Variants in MORC1 observed in about 807,000 individuals in gnomAD.
MORC1 encodes the protein MORC family CW-type zinc finger protein 1.
MORC1 carries 59 observed loss-of-function variants against 134.9 expected under a neutral mutation model. The observed-to-expected ratio is 0.44, with a 90% CI of 0.35 to 0.54. MORC1 has a LOEUF of 0.54. MORC1 is among the 20% of genes least tolerant of loss of function. The pLI is 0.00. For synonymous variants in MORC1, 395 were observed against 391.7 expected, an observed-to-expected ratio of 1.01 and a Z score of -0.10; for missense variants, 947 against 1,134.5, an observed-to-expected ratio of 0.83 and a Z score of 2.37.
At chr3:109,050,291 T>C (rs549562652) in intron 14 of MORC1, among the ~76,000 whole-genome samples, 6 of 152,334 alleles carry the variant, frequency 3.9e-5, no homozygotes, top group African/African-American at 1.4e-4. Flanking sequence ...CTAAGTGGCT[T>C]ATAAATAACA....
intron 17 of MORC1, among the ~76,000 whole-genome samples, chr3:109,012,881 A>G (rs1948728420): frequency 6.6e-6 from 1 of 152,192 alleles, no homozygotes; most frequent in Non-Finnish European, 1.5e-5. Flanking sequence ...CTGTAATCTG[A>G]GTGCCTTTTC....
chr3:109,055,866 GC>G (rs1482090474), intron 13 of MORC1, among the ~76,000 whole-genome samples: 1 of 152,180 alleles, frequency 6.6e-6, no homozygotes, highest in Non-Finnish European at 1.5e-5. Flanking sequence ...TAATGCAGGT[GC>G]TGTGATATGT....
intron 18 of MORC1, 36 bp from the exon 19 acceptor site, chr3:109,005,351 A>G (rs1576622951): frequency 5.9e-6 from 9 of 1,528,322 alleles, no homozygotes; most frequent in Non-Finnish European, 7.9e-6. Flanking sequence ...ATTTTTTGGT[A>G]GATAGCCTAT....
intron 14 of MORC1, among the ~76,000 whole-genome samples, chr3:109,048,831 C>T (rs186949541): frequency 1.3e-5 from 2 of 152,246 alleles, no homozygotes; most frequent in African/African-American, 2.4e-5. Flanking sequence ...CCCACCCAAA[C>T]GACTCCATTT....
chr3:109,072,934 AACACACAC>A (rs58749136), intron 8 of MORC1, among the ~76,000 whole-genome samples: 70 of 144,828 alleles, frequency 4.8e-4, no homozygotes, highest in African/African-American at 1.7e-3. Flanking sequence ...AATCTCCCTC[AACACACAC>A]ACACACACAC....
At chr3:108,995,844 T>A (rs1948187753) in intron 21 of MORC1, among the ~76,000 whole-genome samples, 1 of 152,146 alleles carries the variant, frequency 6.6e-6, no homozygotes, top group Non-Finnish European at 1.5e-5. Context: ...CTAAAAAACT[T>A]TGGAAACACA....
At chr3:109,100,015 G>A (rs143615198) in intron 5 of MORC1, among the ~76,000 whole-genome samples, 3,547 of 152,060 alleles carry the variant, frequency 0.023, 61 homozygotes, top group South Asian at 0.045. Flanking sequence ...AGGCCGAGGC[G>A]GGCTGATTAC....
intron 5 of MORC1, among the ~76,000 whole-genome samples, chr3:109,100,197 C>T (rs866533074): frequency 1.3e-4 from 19 of 151,864 alleles, no homozygotes; most frequent in African/African-American, 2.9e-4. Context: ...GAGCCAAGAT[C>T]GCACCACTGC....
rs1559888240 is a variant in MORC1 at position 109,007,109 on chromosome 3, CCATTAAGGCAAAT to C, written c.1705-31_1705-19del. 4 of 1,594,536 alleles carry C rather than the reference CCATTAAGGCAAAT, an allele frequency of 2.5e-6. No individual in the cohort carries two copies. In the Admixed American group the frequency reaches 7.0e-5, roughly 28 times the overall value. On this transcript the variant is annotated intron_variant, in intron 17 of 27. Transcript: ENST00000232603. Reference sequence around the variant, plus strand: ...AATTGAGGCTTTATGGGAAAGCAAACCATTAAGGCAAATGTAAGTAAAAATAAGCTTCAACTGG... The same window carrying C: ...AATTGAGGCTTTATGGGAAAGCAAACGTAAGTAAAAATAAGCTTCAACTGG...
intron 14 of MORC1, among the ~76,000 whole-genome samples, chr3:109,039,825 T>A (rs1015100086): frequency 6.6e-6 from 1 of 152,178 alleles, no homozygotes; most frequent in African/African-American, 2.4e-5. Context: ...CTCTCCCTCA[T>A]GGTTGCAAGC....
intron 8 of MORC1, among the ~76,000 whole-genome samples, chr3:109,087,727 T>G (rs1576728533): frequency 6.6e-6 from 1 of 152,026 alleles, no homozygotes; most frequent in Admixed American, 6.6e-5. Context: ...AAAAATTATC[T>G]TAAAATTCAT....
At chr3:109,056,250 C>CA (rs1349464824) in intron 13 of MORC1, among the ~76,000 whole-genome samples, 5 of 152,194 alleles carry the variant, frequency 3.3e-5, no homozygotes, top group African/African-American at 1.2e-4. Flanking sequence ...TTTTTTGAGA[C>CA]AGAGTCTCGC....
intron 27 of MORC1, among the ~76,000 whole-genome samples, chr3:108,961,650 G>A (rs1267477817): frequency 6.6e-6 from 1 of 152,184 alleles, no homozygotes; most frequent in Non-Finnish European, 1.5e-5. Flanking sequence ...TTGGGCAGGA[G>A]CCCTTTGAGT....
At chr3:109,100,176 G>C (rs1305525454) in intron 5 of MORC1, among the ~76,000 whole-genome samples, 1 of 152,064 alleles carries the variant, frequency 6.6e-6, no homozygotes, top group Non-Finnish European at 1.5e-5. Context: ...CCAGGAGGCG[G>C]AGGTTGCAGT....
At chr3:109,105,478 G>A (rs994135459) in intron 3 of MORC1, among the ~76,000 whole-genome samples, 6 of 151,884 alleles carry the variant, frequency 4.0e-5, no homozygotes, top group African/African-American at 7.3e-5. Context: ...AGCCCAAATC[G>A]CACCACTGCA....
Position 109,110,788 on chromosome 3 carries a change from A to C in MORC1, c.120-5T>G. ...AGTCTTTCAGCCCCTGCATCTCTGG[A>C]AACAATACAAAAATATTATTTCTTC... On this transcript the variant is annotated splice_region_variant and splice_polypyrimidine_tract_variant and intron_variant, in intron 2 of 27. Coordinates refer to ENST00000232603, the MANE Select transcript of MORC1 (RefSeq NM_014429.4). 1 of 1,583,852 alleles carries C rather than the reference A, an allele frequency of 6.3e-7. No homozygotes were observed. The highest frequency in any genetic ancestry group is 8.5e-7 in the Non-Finnish European group (1 of 1,170,516).
intron 14 of MORC1, among the ~76,000 whole-genome samples, chr3:109,040,245 AT>A (rs2107630262): frequency 6.6e-6 from 1 of 151,654 alleles, no homozygotes; most frequent in East Asian, 1.9e-4. Context: ...AGTATGGCAC[AT>A]TCCAAGCAAA....
chr3:108,978,233 T>A (rs1333013556), intron 24 of MORC1, among the ~76,000 whole-genome samples: 1 of 152,158 alleles, frequency 6.6e-6, no homozygotes, highest in Non-Finnish European at 1.5e-5. Flanking sequence ...CCTGCTTTTG[T>A]CCCATTTCCA....
chr3:109,049,585 AG>A (rs1389217361), intron 14 of MORC1, among the ~76,000 whole-genome samples: 1 of 152,352 alleles, frequency 6.6e-6, no homozygotes, highest in African/African-American at 2.4e-5. Context: ...AGGCCTAATA[AG>A]GCGATAAACT....
Sources: gnomAD v4.1 joint callset for allele counts (sites outside exome capture counted in the v4.1 genomes callset) on GRCh38, gnomAD v4.1.1 for gene constraint, MANE v1.5 for transcripts, NCBI Gene and HGNC (gene_info 2026-07-23, HGNC 2026-07-21) for gene names.